NEO1: variants seen among roughly 807,000 people sequenced by gnomAD.
The protein encoded by NEO1 is neogenin.
NEO1 carries 63 observed loss-of-function variants against 159.7 expected under a neutral mutation model. The ratio of observed to expected loss-of-function variants is 0.39; its 90% CI spans 0.32 to 0.49. The LOEUF (loss-of-function observed/expected upper bound fraction) is 0.49, where lower values mean the gene tolerates loss of function less well. Ranked by LOEUF, NEO1 falls within the 20% of genes least tolerant of loss-of-function variation. The probability of loss-of-function intolerance (pLI) is 0.85; values close to 1 mark genes in which losing one functional copy is unlikely to be tolerated. For missense variants in NEO1, 1,615 were observed against 1,831.0 expected (o/e 0.88, Z 2.15); for synonymous variants, 633 against 662.0 (o/e 0.96, Z 0.67).
chr15:73,111,791 T>A (rs1250194484), intron 1 of NEO1, among the ~76,000 whole-genome samples: 1 of 152,012 alleles, frequency 6.6e-6, no homozygotes, highest in African/African-American at 2.4e-5. Context: ...TGGCTAATTT[T>A]TGTCTTGTTT....
At chr15:73,138,391 G>A (rs902002627) in intron 5 of NEO1, among the ~76,000 whole-genome samples, 6 of 152,182 alleles carry the variant, frequency 3.9e-5, no homozygotes, top group South Asian at 2.1e-4. Flanking sequence ...ACAAAGATAC[G>A]TTGAAAACAC....
intron 7 of NEO1, 135 bp downstream of exon 7, chr15:73,178,562 C>T: frequency 1.1e-6 from 1 of 905,534 alleles, no homozygotes; most frequent in South Asian, 3.4e-5. Flanking sequence ...AAAAGAATAG[C>T]AGTCTAAATC....
chr15:73,187,390 CT>C (rs1412539101), intron 7 of NEO1, among the ~76,000 whole-genome samples: 2 of 152,028 alleles, frequency 1.3e-5, no homozygotes, highest in African/African-American at 2.4e-5. Context: ...CCCTGTTTGC[CT>C]TTTTTTCCTC....
Position 73,116,415 on chromosome 15 carries a change from CTATATT to C in NEO1, c.131-121_131-116del, listed in dbSNP as rs1280982080. On this transcript the variant is annotated intron_variant, in intron 1 of 28. Transcript: ENST00000261908. ...TTATTAGACATTTGTAGTGAGATGA[CTATATT>C]TATGTGTCACATTCAAAGAACAACA... 7 of 740,788 alleles carry C rather than the reference CTATATT, an allele frequency of 9.4e-6. No homozygotes were observed. In the South Asian group the frequency reaches 1.2e-4, roughly 12 times the overall value. 45.9% of individuals were successfully genotyped at this position (740,788 alleles called of 1,614,324 possible).
chr15:73,212,783 A>T (rs1234598327), intron 7 of NEO1, among the ~76,000 whole-genome samples: 1 of 152,184 alleles, frequency 6.6e-6, no homozygotes, highest in Non-Finnish European at 1.5e-5. Context: ...CAAGGGAATG[A>T]TTAAATAAAT....
rs543829396 is a variant in NEO1, at chr15:73,147,220, A to G, written c.1015+11193A>G. ...AGTGCCTGGTACATTATAGGCATTC[A>G]GTAAATGTACCTCAGCTAATGTTCC... On this transcript the variant is annotated intron_variant, in intron 5 of 28. Coordinates refer to ENST00000261908, the MANE Select transcript of NEO1 (RefSeq NM_002499.4). Among the ~76,000 whole-genome samples the G allele has an allele frequency of 6.6e-5, 10 of 152,344 alleles. No individual in the cohort carries two copies. The South Asian group carries it at 1.9e-3, about 28-fold the overall frequency.
At chr15:73,159,659 G>A (rs1891596173) in intron 5 of NEO1, among the ~76,000 whole-genome samples, 1 of 152,156 alleles carries the variant, frequency 6.6e-6, no homozygotes, top group South Asian at 2.1e-4. Context: ...GGAAGCAGCA[G>A]CAGTCTTGAT....
intron 2 of NEO1, among the ~76,000 whole-genome samples, chr15:73,121,706 C>T (rs2071663352): frequency 6.6e-6 from 1 of 151,872 alleles, no homozygotes; most frequent in Non-Finnish European, 1.5e-5. Flanking sequence ...CCTTTTCTTC[C>T]ACTTATTTGT....
At chr15:73,285,409 G>A (rs2041905325) in intron 23 of NEO1, among the ~76,000 whole-genome samples, 1 of 152,218 alleles carries the variant, frequency 6.6e-6, no homozygotes, top group Admixed American at 6.5e-5. Flanking sequence ...CAGATTGAAA[G>A]TAAGAAGATG....
chr15:73,204,021 C>T (rs1311412784), intron 7 of NEO1, among the ~76,000 whole-genome samples: 1 of 151,852 alleles, frequency 6.6e-6, no homozygotes, highest in Non-Finnish European at 1.5e-5. Flanking sequence ...AAATTATCTG[C>T]TGATTGATTC....
intron 1 of NEO1, among the ~76,000 whole-genome samples, chr15:73,074,236 C>T (rs1236151605): frequency 2.6e-5 from 4 of 152,176 alleles, no homozygotes; most frequent in African/African-American, 9.7e-5. Flanking sequence ...CAGGGTAATT[C>T]AGTTTTAGAC....
chr15:73,051,829 A>C (rs1430438084), upstream of NEO1: 1 of 152,162 alleles, frequency 6.6e-6, no homozygotes, highest in East Asian at 1.9e-4. Context: ...CCCACTGCGC[A>C]CCCAGGTTTC....
At position 73,052,724 on chromosome 15, in the gene NEO1, T is replaced by G; in HGVS notation, c.49T>G (p.Trp17Gly). 6 of 1,330,232 alleles carry G rather than the reference T, an allele frequency of 4.5e-6. No individual in the cohort carries two copies. The highest frequency in any genetic ancestry group is 3.9e-6 in the Non-Finnish European group (4 of 1,031,450). The allele number at this position is 1,330,232 out of a possible 1,614,324, so 82.4% of individuals were successfully genotyped here. ...GCGACTCCTCAGCACCCCCTCCTTC[T>G]GGCTCTACTGCCTGCTGCTGCTCGG... ...ARRLLSTPSFWLYCLLLLGRR... is the reference protein window; with the variant it reads ...ARRLLSTPSFGLYCLLLLGRR... Residue 17 changes from tryptophan (W) to glycine (G), a missense_variant, in exon 1 of 29, where the codon TGG becomes GGG. Trp to Gly is a radical substitution (Grantham distance 184). This residue lies in a region of NEO1 where 1,018 missense variants were observed against 1,115.4 expected (regional missense o/e 0.91). Coordinates refer to ENST00000261908, the MANE Select transcript of NEO1 (RefSeq NM_002499.4).
At chr15:73,266,004 AT>A (rs1439741238) in intron 15 of NEO1, among the ~76,000 whole-genome samples, 1 of 152,164 alleles carries the variant, frequency 6.6e-6, no homozygotes, top group African/African-American at 2.4e-5. Flanking sequence ...ATTAAATCTT[AT>A]CTCTTCATTC....
intron 7 of NEO1, among the ~76,000 whole-genome samples, chr15:73,180,343 T>C (rs2035529577): frequency 6.6e-6 from 1 of 152,178 alleles, no homozygotes; most frequent in African/African-American, 2.4e-5. Context: ...CAGAAAAGCA[T>C]AAAATATTAG....
intron 7 of NEO1, among the ~76,000 whole-genome samples, chr15:73,178,699 T>G (rs1320439561): frequency 6.6e-6 from 1 of 152,216 alleles, no homozygotes; most frequent in African/African-American, 2.4e-5. Flanking sequence ...TTTAGTCATC[T>G]TAATCTCACA....
intron 1 of NEO1, among the ~76,000 whole-genome samples, chr15:73,083,066 T>C (rs1373143970): frequency 6.6e-6 from 1 of 152,088 alleles, no homozygotes; most frequent in African/African-American, 2.4e-5. Flanking sequence ...GGAAAGACGG[T>C]AGGAGCAAAT....
chr15:73,124,238 A>G (rs774921927), intron 3 of NEO1, among the ~76,000 whole-genome samples: 1 of 128,930 alleles, frequency 7.8e-6, no homozygotes, highest in Non-Finnish European at 1.8e-5. Flanking sequence ...ATTTTTTTGT[A>G]TTTTTTTTAG....
chr15:73,270,050 C>T lies in NEO1; in HGVS notation c.2535C>T (p.Tyr845=), dbSNP rs1226227265. 2 of 1,614,010 alleles carry T rather than the reference C, an allele frequency of 1.2e-6. No homozygotes were observed. Among genetic ancestry groups the T allele is most frequent in the Admixed American group, 1.7e-5 (1 of 60,002 alleles). ...EVDLFVINAP[Y]TPVPDPTPMM... ...ATTTATTTGTTATTAATGCTCCATA[C>T]ACTCCAGTGCCAGATCCCACTCCCA... is the stretch of plus-strand genomic sequence containing the variant. The change falls in exon 17 of 29, where the codon TAC becomes TAT. Residue 845 remains tyrosine (Y), a synonymous_variant. Coordinates refer to ENST00000261908, the MANE Select transcript of NEO1 (RefSeq NM_002499.4).
Sources: gnomAD v4.1 joint callset for allele counts (sites outside exome capture counted in the v4.1 genomes callset) on GRCh38, gnomAD v4.1.1 for gene constraint, gnomAD v4.1.1 regional missense constraint, MANE v1.5 for transcripts, NCBI Gene and HGNC (gene_info 2026-07-23, HGNC 2026-07-21) for gene names.